DOCK4: variants seen among roughly 807,000 people sequenced by gnomAD.
DOCK4 encodes the protein dedicator of cytokinesis protein 4.
In DOCK4, 97 loss-of-function variants were observed where a neutral mutation model predicts 268.1. The observed-to-expected ratio is 0.36, with a 90% CI of 0.31 to 0.43. DOCK4 has a LOEUF of 0.43. Among genes scored for constraint, DOCK4 ranks in the 20% least tolerant of loss-of-function variants. The pLI is 1.00. For missense variants in DOCK4, 2,145 were observed against 2,455.7 expected (o/e 0.87, Z 2.67); for synonymous variants, 954 against 887.2 (o/e 1.08, Z -1.34).
chr7:111,932,082 C>A (rs1258663856), intron 12 of DOCK4, among the ~76,000 whole-genome samples: 4 of 152,096 alleles, frequency 2.6e-5, no homozygotes, highest in African/African-American at 9.7e-5. Flanking sequence ...CAAAGCCTAC[C>A]ATTGAGAACT....
intron 1 of DOCK4, among the ~76,000 whole-genome samples, chr7:112,186,621 A>G (rs1433876901): frequency 6.6e-6 from 1 of 152,228 alleles, no homozygotes; most frequent in Non-Finnish European, 1.5e-5. Flanking sequence ...CTGTATCATC[A>G]CAAAATATGG....
At chr7:111,847,422 G>A (rs752182057) in intron 23 of DOCK4, among the ~76,000 whole-genome samples, 9 of 151,286 alleles carry the variant, frequency 5.9e-5, no homozygotes, top group Non-Finnish European at 8.8e-5. Flanking sequence ...CTGAATTTTC[G>A]TTAAGATAGA....
chr7:112,167,770 A>G (rs1817727883), intron 1 of DOCK4, among the ~76,000 whole-genome samples: 1 of 152,174 alleles, frequency 6.6e-6, no homozygotes, highest in South Asian at 2.1e-4. Context: ...TTGTTTCTTA[A>G]GGAAAAAAAT....
chr7:112,116,062 T>C (rs982929523), intron 1 of DOCK4, among the ~76,000 whole-genome samples: 1 of 152,152 alleles, frequency 6.6e-6, no homozygotes, highest in African/African-American at 2.4e-5. Flanking sequence ...TGACACTAAG[T>C]ACATTCACAA....
chr7:112,039,894 C>T (rs756675446), intron 1 of DOCK4, among the ~76,000 whole-genome samples: 2 of 152,122 alleles, frequency 1.3e-5, no homozygotes, highest in Non-Finnish European at 1.5e-5. Context: ...CCTCTATACT[C>T]GTGCTTGGCC....
intron 23 of DOCK4, among the ~76,000 whole-genome samples, chr7:111,853,399 A>G (rs542200177): frequency 2.0e-5 from 3 of 152,346 alleles, no homozygotes; most frequent in Non-Finnish European, 4.4e-5. Context: ...ATGTGGCAGC[A>G]CAGCTTTGCA....
chr7:111,851,812 T>C (rs754431857), intron 23 of DOCK4, among the ~76,000 whole-genome samples: 1 of 152,164 alleles, frequency 6.6e-6, no homozygotes, highest in African/African-American at 2.4e-5. Flanking sequence ...ATGAGTGCTA[T>C]GTAAGTGTTA....
At chr7:111,777,380 CAGAA>C (rs1177328093) in intron 36 of DOCK4, among the ~76,000 whole-genome samples, 1 of 152,094 alleles carries the variant, frequency 6.6e-6, no homozygotes, top group Non-Finnish European at 1.5e-5. Context: ...AATATTATAA[CAGAA>C]GGAACCTGGG....
intron 1 of DOCK4, among the ~76,000 whole-genome samples, chr7:112,049,175 C>T (rs546580434): frequency 1.3e-5 from 2 of 152,232 alleles, no homozygotes; most frequent in East Asian, 3.9e-4. Context: ...AGTCAATTGA[C>T]TGTTCTAACA....
At chr7:111,977,654 C>A (rs1798308940) in intron 7 of DOCK4, among the ~76,000 whole-genome samples, 1 of 152,178 alleles carries the variant, frequency 6.6e-6, no homozygotes, top group Admixed American at 6.5e-5. Flanking sequence ...TCAAAGGATT[C>A]TTTTGCTCCC....
chr7:112,080,352 T>G (rs1211361769), intron 1 of DOCK4, among the ~76,000 whole-genome samples: 1 of 152,184 alleles, frequency 6.6e-6, no homozygotes. Context: ...ATTCGCTAAC[T>G]TTAGCAACCC....
At position 111,989,178 on chromosome 7, in the gene DOCK4, A is replaced by G. The variant is rs1481979905; in HGVS notation, c.316-15T>C. 3.1e-6 allele frequency: 5 copies of G among 1,613,628 alleles called. No homozygotes were observed. In the African/African-American group the frequency reaches 4.0e-5, roughly 13 times the overall value. On this transcript the variant is annotated splice_polypyrimidine_tract_variant and intron_variant, in intron 5 of 52. Transcript: ENST00000428084. Reference sequence around the variant, plus strand: ...CCTTCATTACGCTAAGAAATATACAAATGTGGAGATTTGGCAGTCAGTACC... The same window carrying G: ...CCTTCATTACGCTAAGAAATATACAGATGTGGAGATTTGGCAGTCAGTACC...
intron 12 of DOCK4, among the ~76,000 whole-genome samples, chr7:111,923,203 T>A (rs1793305389): frequency 6.6e-6 from 1 of 152,234 alleles, no homozygotes; most frequent in South Asian, 2.1e-4. Context: ...TATGAGGGGA[T>A]GTGCATAGGT....
At chr7:111,976,042 G>A (rs1770640246) in intron 8 of DOCK4, among the ~76,000 whole-genome samples, 1 of 144,786 alleles carries the variant, frequency 6.9e-6, no homozygotes, top group African/African-American at 2.6e-5. Flanking sequence ...TCAGGAAGCT[G>A]AGGAAGGAGA....
Position 111,770,223 on chromosome 7 carries a change from CAAAAAAA to C in DOCK4, c.3680-553_3680-547del, listed in dbSNP as rs756689437. 2.3e-3 allele frequency among the ~76,000 whole-genome samples: 158 copies of C among 69,554 alleles called. 2 individuals are homozygous for C. The highest frequency in any genetic ancestry group is 6.4e-3 in the African/African-American group (150 of 23,562). 45.6% of individuals were successfully genotyped at this position (69,554 alleles called of 152,430 possible). A position where few individuals can be genotyped will look rare whatever the true frequency, so the allele number is the denominator to read the frequency against. ...AGCCAGAGAGGAGCTGAGTGAAGAC[CAAAAAAA>C]AAAAAAAAAAGAAAAAGAAAAAATC... is the stretch of plus-strand genomic sequence containing the variant. On this transcript the variant is annotated intron_variant, in intron 36 of 52. Coordinates refer to ENST00000428084, the MANE Select transcript of DOCK4 (RefSeq NM_001363540.2).
chr7:111,873,430 G>C (rs138591658), intron 17 of DOCK4, among the ~76,000 whole-genome samples: 2 of 152,194 alleles, frequency 1.3e-5, no homozygotes, highest in East Asian at 3.9e-4. Flanking sequence ...CGCGTGTGCC[G>C]AGCACGCGCA....
chr7:112,192,756 T>C (rs1457866933), intron 1 of DOCK4, among the ~76,000 whole-genome samples: 5 of 152,194 alleles, frequency 3.3e-5, no homozygotes. Context: ...CTTTGGATGC[T>C]TATCAAGCTA....
At chr7:112,075,483 T>C (rs1404805257) in intron 1 of DOCK4, among the ~76,000 whole-genome samples, 1 of 152,212 alleles carries the variant, frequency 6.6e-6, no homozygotes, top group African/African-American at 2.4e-5. Flanking sequence ...CGTAACACTA[T>C]GACAAAGTCT....
chr7:112,139,705 A>C (rs938721984), intron 1 of DOCK4, among the ~76,000 whole-genome samples: 1 of 152,232 alleles, frequency 6.6e-6, no homozygotes, highest in African/African-American at 2.4e-5. Flanking sequence ...CATATAGTCA[A>C]GGTGACAAAA....
Sources: gnomAD v4.1 joint callset for allele counts (sites outside exome capture counted in the v4.1 genomes callset) on GRCh38, gnomAD v4.1.1 for gene constraint, MANE v1.5 for transcripts, NCBI Gene and HGNC (gene_info 2026-07-23, HGNC 2026-07-21) for gene names.